The following CNTN6 variants were observed in gnomAD, a reference collection of about 807,000 sequenced individuals.
CNTN6 encodes contactin-6.
CNTN6 carries 137 observed loss-of-function variants against 122.8 expected under a neutral mutation model. The ratio of observed to expected loss-of-function variants is 1.12; its 90% CI spans 0.97 to 1.29. The LOEUF (loss-of-function observed/expected upper bound fraction) is 1.29. CNTN6 is among the 50% of genes most tolerant of loss of function. CNTN6 has a pLI of 0.00. For missense variants in CNTN6, 1,634 were observed against 1,223.4 expected (o/e 1.34, Z -5.01); for synonymous variants, 570 against 426.0 (o/e 1.34, Z -4.16).
rs147680697 is a variant in CNTN6, at chr3:1,359,742, A to T, written c.1492+7291A>T. 5.5e-3 allele frequency among the ~76,000 whole-genome samples: 834 copies of T among 152,220 alleles called. 2 individuals are homozygous for T. The highest frequency in any genetic ancestry group is 0.031 in the Middle Eastern group (9 of 294). On this transcript the variant is annotated intron_variant, in intron 12 of 22. Transcript: ENST00000446702. Reference sequence around the variant, plus strand: ...AGGAAAAGCTTATTAACTAAAGACTAAAAACAACTCCTTTATTTCTGGCTT... The same window carrying T: ...AGGAAAAGCTTATTAACTAAAGACTTAAAACAACTCCTTTATTTCTGGCTT...
At chr3:1,346,849 C>T (rs1485127637) in intron 11 of CNTN6, among the ~76,000 whole-genome samples, 3 of 152,104 alleles carry the variant, frequency 2.0e-5, no homozygotes, top group Admixed American at 6.6e-5. Context: ...TGATGTGATC[C>T]TTCTCCTTCC....
At chr3:1,347,119 G>T (rs1334676291) in intron 11 of CNTN6, among the ~76,000 whole-genome samples, 2 of 152,134 alleles carry the variant, frequency 1.3e-5, no homozygotes, top group Non-Finnish European at 2.9e-5. Context: ...TCTACCCAGT[G>T]TCACTTAACT....
At chr3:1,388,136 T>C (rs1295101556) in intron 20 of CNTN6, among the ~76,000 whole-genome samples, 7 of 152,034 alleles carry the variant, frequency 4.6e-5, no homozygotes, top group Non-Finnish European at 1.0e-4. Context: ...AAGACAGCAG[T>C]AACGTCTGCA....
chr3:1,224,271 G>A (rs1039420695), intron 3 of CNTN6, among the ~76,000 whole-genome samples: 4 of 152,066 alleles, frequency 2.6e-5, no homozygotes, highest in Non-Finnish European at 5.9e-5. Flanking sequence ...GTCAGGGAGG[G>A]GCAGGAAGGG....
chr3:1,234,501 G>A (rs928884349), intron 4 of CNTN6, among the ~76,000 whole-genome samples: 4 of 151,938 alleles, frequency 2.6e-5, no homozygotes, highest in Admixed American at 6.6e-5. Flanking sequence ...ATGTGCTCCC[G>A]ATGATATGGT....
intron 17 of CNTN6, among the ~76,000 whole-genome samples, chr3:1,381,432 C>G (rs1691865819): frequency 6.6e-6 from 1 of 152,104 alleles, no homozygotes; most frequent in South Asian, 2.1e-4. Context: ...CTCAGGTCAT[C>G]TCGGGTAATG....
chr3:1,108,061 G>C (rs966085400), intron 1 of CNTN6, among the ~76,000 whole-genome samples: 1 of 151,946 alleles, frequency 6.6e-6, no homozygotes, highest in Non-Finnish European at 1.5e-5. Flanking sequence ...ATAGCTCCCA[G>C]CATCTACATC....
intron 2 of CNTN6, among the ~76,000 whole-genome samples, chr3:1,162,774 G>T (rs1202522812): frequency 2.0e-5 from 3 of 152,144 alleles, no homozygotes; most frequent in Non-Finnish European, 4.4e-5. Context: ...GGCACAGATG[G>T]GCTTGAAGAA....
chr3:1,334,067 C>A (rs1702702892), intron 11 of CNTN6, among the ~76,000 whole-genome samples: 1 of 152,086 alleles, frequency 6.6e-6, no homozygotes, highest in African/African-American at 2.4e-5. Flanking sequence ...GTTCCTAAAG[C>A]AAGGATCTGT....
At chr3:1,316,220 T>G (rs920041067) in intron 7 of CNTN6, among the ~76,000 whole-genome samples, 3 of 151,930 alleles carry the variant, frequency 2.0e-5, no homozygotes, top group African/African-American at 7.2e-5. Flanking sequence ...ATTCTTGCAC[T>G]GCTATAAAGA....
chr3:1,207,367 CA>C (rs1339619288), intron 2 of CNTN6, among the ~76,000 whole-genome samples: 2 of 152,004 alleles, frequency 1.3e-5, no homozygotes, highest in East Asian at 3.8e-4. Context: ...ACATCTATAC[CA>C]CAAATACTTT....
intron 12 of CNTN6, among the ~76,000 whole-genome samples, chr3:1,356,958 A>G (rs1378444985): frequency 3.9e-5 from 6 of 151,934 alleles, no homozygotes; most frequent in East Asian, 3.9e-4. Flanking sequence ...ACACGCATCA[A>G]TTTAAGCAAG....
At chr3:1,251,390 A>G (rs558175946) in intron 4 of CNTN6, among the ~76,000 whole-genome samples, 1 of 151,782 alleles carries the variant, frequency 6.6e-6, no homozygotes, top group African/African-American at 2.4e-5. Context: ...CCTAACAACT[A>G]CTCCTGTCCT....
intron 2 of CNTN6, among the ~76,000 whole-genome samples, chr3:1,157,826 T>C (rs534650015): frequency 1.3e-5 from 2 of 152,344 alleles, no homozygotes; most frequent in East Asian, 3.9e-4. Context: ...TGGCAGAATC[T>C]GGTTCTTTTT....
At chr3:1,154,040 A>C (rs1348807637) in intron 2 of CNTN6, among the ~76,000 whole-genome samples, 1 of 152,210 alleles carries the variant, frequency 6.6e-6, no homozygotes, top group Non-Finnish European at 1.5e-5. Context: ...CGCAATTTCT[A>C]ATAGAAATGG....
chr3:1,388,703 T>C (rs374390170), intron 20 of CNTN6, among the ~76,000 whole-genome samples: 69 of 145,594 alleles, frequency 4.7e-4, no homozygotes, highest in East Asian at 1.0e-3. Flanking sequence ...ATAACCAATA[T>C]AGAGAAGTGC....
intron 20 of CNTN6, among the ~76,000 whole-genome samples, chr3:1,390,088 A>G (rs375667509): frequency 6.6e-6 from 1 of 151,858 alleles, no homozygotes; most frequent in Admixed American, 6.6e-5. Flanking sequence ...ACTCTCCACC[A>G]CAAATCAACA....
chr3:1,401,463 G>C lies in CNTN6; in HGVS notation c.2735G>C (p.Trp912Ser), dbSNP rs779011019. The C allele has an allele frequency of 6.2e-7, 1 of 1,611,906 alleles. No homozygotes were observed. Among genetic ancestry groups the C allele is most frequent in the South Asian group, 1.1e-5 (1 of 90,958 alleles). The change falls in exon 21 of 23, where the codon TGG becomes TCG. Residue 912 changes from tryptophan (W) to serine (S), a missense_variant. Physicochemically the swap from Trp to Ser is radical, Grantham distance 177 (BLOSUM62 -3). Transcript: ENST00000446702. Reference sequence around the variant, plus strand: ...AGCCAACCACCAGCAAACATTGCCTGGAAGCTGACAAACTCTAAATTATGC... The same window carrying C: ...AGCCAACCACCAGCAAACATTGCCTCGAAGCTGACAAACTCTAAATTATGC... ...PPSQPPANIAWKLTNSKLCLN... is the reference protein window; with the variant it reads ...PPSQPPANIASKLTNSKLCLN...
chr3:1,178,986 A>G (rs1476258644), intron 2 of CNTN6, among the ~76,000 whole-genome samples: 2 of 152,136 alleles, frequency 1.3e-5, no homozygotes, highest in East Asian at 3.9e-4. Context: ...AAAGAAGCCT[A>G]TTTTGGCTCG....
Sources: allele counts gnomAD v4.1 joint callset (sites outside exome capture counted in the v4.1 genomes callset), GRCh38; gene constraint gnomAD v4.1.1; transcripts MANE v1.5; gene names NCBI Gene and HGNC (gene_info 2026-07-23, HGNC 2026-07-21).